Variants in TRA2A observed in about 807,000 individuals in gnomAD.
TRA2A encodes transformer 2 alpha homolog, also known as transformer-2 protein homolog alpha.
TRA2A carries 31 observed loss-of-function variants against 45.7 expected under a neutral mutation model. The ratio of observed to expected loss-of-function variants is 0.68; its 90% confidence interval spans 0.51 to 0.92. TRA2A has a LOEUF of 0.92. Ranked by LOEUF, TRA2A falls within the 40% of genes least tolerant of loss-of-function variation. The pLI, the probability that TRA2A is intolerant of heterozygous loss-of-function variation, is 0.00. For synonymous variants in TRA2A, 132 were observed against 126.2 expected (o/e 1.05, Z -0.31); for missense variants, 304 against 367.5 (o/e 0.83, Z 1.41).
intron 4 of TRA2A, among the ~76,000 whole-genome samples, chr7:23,508,276 A>T (rs1376364850): frequency 1.9e-4 from 3 of 16,198 alleles, no homozygotes; most frequent in East Asian, 1.0e-3. Flanking sequence ...AAAGGTCATT[A>T]AAAAAAAAAA....
At position 23,528,614 on chromosome 7, in the gene TRA2A, C is replaced by A. The variant is rs190436389; in HGVS notation, c.36+3175G>T. ...CTCCCCCTATTTCTTCTATTTTTAA[C>A]AAAAAATCTATACACACAAATCTTT... On this transcript the variant is annotated intron_variant, in intron 1 of 7. Coordinates refer to ENST00000297071, the MANE Select transcript of TRA2A (RefSeq NM_013293.5). 8.7e-3 allele frequency among the ~76,000 whole-genome samples: 1,315 copies of A among 151,846 alleles called. 18 individuals are homozygous for A. The highest frequency in any genetic ancestry group is 0.03 in the African/African-American group (1,241 of 41,416).
At chr7:23,518,683 T>A (rs376998271) in intron 2 of TRA2A, among the ~76,000 whole-genome samples, 16,794 of 150,588 alleles carry the variant, frequency 0.11, 1,006 homozygotes, top group Middle Eastern at 0.15. Context: ...TTGTTTTTTT[T>A]TTTTTTTCCC....
intron 1 of TRA2A, among the ~76,000 whole-genome samples, chr7:23,525,971 G>A (rs1790324661): frequency 6.6e-6 from 1 of 152,100 alleles, no homozygotes. Flanking sequence ...ATTAAAAGGA[G>A]GGAACTAACT....
At chr7:23,522,204 A>T in intron 1 of TRA2A, 3 of 1,128,470 alleles carry the variant, frequency 2.7e-6, no homozygotes, top group Non-Finnish European at 3.3e-6. Flanking sequence ...TTCATTCTTC[A>T]TTGAGTTTTT....
rs181542099 is a variant in TRA2A, at chr7:23,505,362, C to G, written c.*197G>C. The stretch of plus-strand genomic sequence containing the variant: ...CAAGATGTTTAACTGTTCAAAATGA[C>G]AACAATTACATCTTTTAAGAGTATA... On this transcript the variant is annotated 3_prime_UTR_variant, in exon 8 of 8. Coordinates refer to ENST00000297071, the MANE Select transcript of TRA2A (RefSeq NM_013293.5). 18 of 424,468 alleles carry G rather than the reference C, an allele frequency of 4.2e-5. No individual in the cohort carries two copies. In the East Asian group the frequency reaches 5.9e-4, roughly 14 times the overall value. The allele number at this position is 424,468 out of a possible 1,614,324, so 26.3% of individuals were successfully genotyped here.
intron 2 of TRA2A, among the ~76,000 whole-genome samples, chr7:23,518,675 G>GT (rs199848477): frequency 0.016 from 2,202 of 139,768 alleles, 16 homozygotes; most frequent in South Asian, 0.041. Flanking sequence ...TTCATTTCTT[G>GT]TTTTTTTTTT....
At chr7:23,530,970 T>C (rs942469605) in intron 1 of TRA2A, among the ~76,000 whole-genome samples, 1 of 151,806 alleles carries the variant, frequency 6.6e-6, no homozygotes, top group African/African-American at 2.4e-5. Context: ...TGAAAGGTCA[T>C]AGGAAGAAGA....
intron 1 of TRA2A, among the ~76,000 whole-genome samples, chr7:23,527,017 TTA>T (rs1179884951): frequency 2.0e-5 from 3 of 152,174 alleles, no homozygotes; most frequent in Non-Finnish European, 4.4e-5. Context: ...GTCTCATAGC[TTA>T]TATATCCTGA....
chr7:23,517,026 T>C (rs1789905284), intron 2 of TRA2A, among the ~76,000 whole-genome samples: 1 of 151,422 alleles, frequency 6.6e-6, no homozygotes, highest in Admixed American at 6.6e-5. Flanking sequence ...GAGAATCGCT[T>C]GAACCCAGGA....
chr7:23,513,006 A>C lies in TRA2A; in HGVS notation c.413T>G (p.Val138Gly). 1 of 1,614,028 alleles carries C rather than the reference A, an allele frequency of 6.2e-7. No homozygotes were observed. Among genetic ancestry groups the C allele is most frequent in the Non-Finnish European group, 8.5e-7 (1 of 1,179,924 alleles). ...ACTCAATGGTCCATATCGAGAAAAT[A>C]CTTCACGAAGATCCCTCTCTGTTGT... ...LYTTERDLREVFSRYGPLSGV... is the reference protein window; with the variant it reads ...LYTTERDLREGFSRYGPLSGV... The change falls in exon 4 of 8, where the codon GTA becomes GGA. Residue 138 changes from valine (V) to glycine (G), a missense_variant. Around this residue, in one of 3 missense-constraint regions of TRA2A, gnomAD observed 130 missense variants for 217.1 expected, o/e 0.60. Transcript: ENST00000297071.
intron 1 of TRA2A, among the ~76,000 whole-genome samples, chr7:23,523,414 C>G (rs1056118925): frequency 2.0e-5 from 3 of 152,118 alleles, no homozygotes; most frequent in African/African-American, 4.8e-5. Flanking sequence ...AGCTTGGTTT[C>G]TGTGTCCAGT....
intron 7 of TRA2A, 70 bp downstream of exon 7, chr7:23,505,676 T>A (rs1045337370): frequency 7.0e-6 from 7 of 995,546 alleles, no homozygotes; most frequent in Non-Finnish European, 1.1e-5. Context: ...CACCTTATAC[T>A]CTAATATTCT....
At chr7:23,528,919 C>T (rs1227444281) in intron 1 of TRA2A, among the ~76,000 whole-genome samples, 1 of 152,138 alleles carries the variant, frequency 6.6e-6, no homozygotes, top group African/African-American at 2.4e-5. Flanking sequence ...TATTTTTCCT[C>T]TTCAACTGTA....
chr7:23,528,731 G>T (rs907559079), intron 1 of TRA2A, among the ~76,000 whole-genome samples: 2 of 150,696 alleles, frequency 1.3e-5, no homozygotes, highest in Non-Finnish European at 3.0e-5. Context: ...GCAGTGATGC[G>T]ATCTCGGCTC....
At chr7:23,530,217 G>A (rs1179639804) in intron 1 of TRA2A, among the ~76,000 whole-genome samples, 1 of 152,098 alleles carries the variant, frequency 6.6e-6, no homozygotes, top group Non-Finnish European at 1.5e-5. Flanking sequence ...AAGTTCTGTT[G>A]GGGCCATCAA....
At chr7:23,516,138 T>TA (rs1250408548) in intron 3 of TRA2A, among the ~76,000 whole-genome samples, 6 of 151,876 alleles carry the variant, frequency 4.0e-5, no homozygotes, top group Non-Finnish European at 8.8e-5. Flanking sequence ...AGACTTTGTC[T>TA]AAAAAAAAGA....
intron 4 of TRA2A, among the ~76,000 whole-genome samples, chr7:23,511,014 T>C (rs922681435): frequency 6.6e-6 from 1 of 152,052 alleles, no homozygotes; most frequent in Non-Finnish European, 1.5e-5. Context: ...GTGTACTGTA[T>C]GGTTATTTAG....
chr7:23,522,423 G>A (rs1790169464), intron 1 of TRA2A: 2 of 1,259,380 alleles, frequency 1.6e-6, no homozygotes, highest in Non-Finnish European at 2.1e-6. Flanking sequence ...ATTTCTTCAC[G>A]AACATTAACC....
chr7:23,511,028 T>C (rs985972528), intron 4 of TRA2A, among the ~76,000 whole-genome samples: 1 of 152,146 alleles, frequency 6.6e-6, no homozygotes, highest in African/African-American at 2.4e-5. Context: ...TATTTAGCAG[T>C]GTTCCTGGCT....
Sources: allele counts gnomAD v4.1 joint callset (sites outside exome capture counted in the v4.1 genomes callset), GRCh38; gene constraint gnomAD v4.1.1; regional missense constraint gnomAD v4.1.1; transcripts MANE v1.5; gene names NCBI Gene and HGNC (gene_info 2026-07-23, HGNC 2026-07-21).